The following SMAP1 variants were observed in gnomAD, a reference collection of about 807,000 sequenced individuals.
SMAP1 encodes stromal membrane-associated protein 1.
A neutral mutation model predicts 58.5 loss-of-function variants in SMAP1; 24 were observed. That is an observed-to-expected ratio of 0.41 (90% CI 0.30 to 0.58). The LOEUF is 0.58. Among genes scored for constraint, SMAP1 ranks in the 20% least tolerant of loss-of-function variants. The probability of loss-of-function intolerance (pLI) is 0.29; values close to 1 mark genes in which losing one functional copy is unlikely to be tolerated. For synonymous variants in SMAP1, 216 were observed against 196.6 expected (o/e 1.10, Z -0.82); for missense variants, 563 against 566.3 (o/e 0.99, Z 0.06).
At chr6:70,722,292 T>A (rs1035509455) in intron 1 of SMAP1, among the ~76,000 whole-genome samples, 1 of 152,120 alleles carries the variant, frequency 6.6e-6, no homozygotes, top group African/African-American at 2.4e-5. Context: ...GAGTAGGGAG[T>A]AGTAGAGAGC....
At chr6:70,711,003 A>G (rs113219020) in intron 1 of SMAP1, among the ~76,000 whole-genome samples, 1 of 152,136 alleles carries the variant, frequency 6.6e-6, no homozygotes, top group Non-Finnish European at 1.5e-5. Flanking sequence ...GGGCAATAAC[A>G]CACATGGAGC....
At chr6:70,821,561 C>T (rs1212815410) in intron 6 of SMAP1, among the ~76,000 whole-genome samples, 1 of 152,040 alleles carries the variant, frequency 6.6e-6, no homozygotes, top group Non-Finnish European at 1.5e-5. Context: ...TTTAATTAGC[C>T]TGAAAAAATA....
At chr6:70,859,998 G>T in intron 10 of SMAP1, 3 of 484,214 alleles carry the variant, frequency 6.2e-6, no homozygotes, top group Non-Finnish European at 1.0e-5. Context: ...TTAATCTTTG[G>T]GGAAACTGTA....
At chr6:70,790,744 T>C (rs976801974) in intron 4 of SMAP1, among the ~76,000 whole-genome samples, 2 of 152,180 alleles carry the variant, frequency 1.3e-5, no homozygotes, top group African/African-American at 4.8e-5. Context: ...TGCAGTGTTA[T>C]TTTGACATTA....
intron 3 of SMAP1, among the ~76,000 whole-genome samples, chr6:70,755,551 A>G (rs1766451995): frequency 6.6e-6 from 1 of 152,054 alleles, no homozygotes; most frequent in Non-Finnish European, 1.5e-5. Context: ...AATGTAGGCT[A>G]GGCTAGGCTA....
At position 70,804,060 on chromosome 6, in the gene SMAP1, G is replaced by A. The variant is rs186055399; in HGVS notation, c.576+5323G>A. 4.3e-3 allele frequency among the ~76,000 whole-genome samples: 654 copies of A among 152,258 alleles called. 5 individuals carry two copies. The highest frequency in any genetic ancestry group is 6.8e-3 in the Middle Eastern group (2 of 294). ...GATATCTTTGTTAACCTTCTGTCTC[G>A]TTGATCTGTCTGACATTGACAGTGG... On this transcript the variant is annotated intron_variant, in intron 6 of 10. Transcript: ENST00000370455.
At chr6:70,777,065 A>G (rs966245939) in intron 4 of SMAP1, among the ~76,000 whole-genome samples, 6 of 152,216 alleles carry the variant, frequency 3.9e-5, no homozygotes, top group Admixed American at 6.5e-5. Flanking sequence ...AGAAACCTCC[A>G]TATTATCCAT....
At chr6:70,718,858 G>C (rs985586648) in intron 1 of SMAP1, among the ~76,000 whole-genome samples, 1 of 149,776 alleles carries the variant, frequency 6.7e-6, no homozygotes, top group African/African-American at 2.4e-5. Context: ...GCTTGGAGAA[G>C]GGATGAAGAC....
At chr6:70,814,054 A>G in intron 6 of SMAP1, among the ~76,000 whole-genome samples, 1 of 152,264 alleles carries the variant, frequency 6.6e-6, no homozygotes, top group East Asian at 1.9e-4. Flanking sequence ...TCCATGTTCT[A>G]TTTTTAAAAA....
chr6:70,755,861 C>T (rs1766467295), intron 3 of SMAP1, among the ~76,000 whole-genome samples: 1 of 151,876 alleles, frequency 6.6e-6, no homozygotes, highest in Non-Finnish European at 1.5e-5. Flanking sequence ...GGCATTGTGG[C>T]ATTTAGAAGG....
chr6:70,746,185 C>T (rs1708506276), intron 2 of SMAP1, among the ~76,000 whole-genome samples: 1 of 152,008 alleles, frequency 6.6e-6, no homozygotes, highest in Admixed American at 6.6e-5. Flanking sequence ...GCCTGATTGC[C>T]CTGGCCAGAA....
At chr6:70,812,872 C>CCCCAGTGT (rs1332249441) in intron 6 of SMAP1, among the ~76,000 whole-genome samples, 2 of 152,034 alleles carry the variant, frequency 1.3e-5, no homozygotes, top group Non-Finnish European at 2.9e-5. Context: ...ATACTCGTGC[C>CCCCAGTGT]CCCAGTGTGT....
In SMAP1 at chr6:70,861,873, G is replaced by A; in HGVS notation, c.*1539G>A. 2 of 1,613,898 alleles carry A rather than the reference G, an allele frequency of 1.2e-6. No homozygotes were observed. The highest frequency in any genetic ancestry group is 2.2e-5 in the East Asian group (1 of 44,848). ...TTTCGGTTCCAGTTCTTCGACTGTT[G>A]TTATCTGTTTGAGAAAGTCAGATTC... On this transcript the variant is annotated 3_prime_UTR_variant, in exon 11 of 11. Coordinates refer to ENST00000370455, the MANE Select transcript of SMAP1 (RefSeq NM_001044305.3).
intron 4 of SMAP1, among the ~76,000 whole-genome samples, chr6:70,778,863 G>A (rs929055556): frequency 2.0e-5 from 3 of 152,182 alleles, no homozygotes; most frequent in Non-Finnish European, 4.4e-5. Flanking sequence ...CCCTTCCTTG[G>A]GTCTCTGGGC....
chr6:70,767,430 T>C (rs1418747258), intron 3 of SMAP1, among the ~76,000 whole-genome samples: 2 of 152,160 alleles, frequency 1.3e-5, no homozygotes, highest in Admixed American at 6.5e-5. Flanking sequence ...CATTGAGCAG[T>C]GGTTTGTAGT....
At chr6:70,696,560 T>G (rs1767413631) in intron 1 of SMAP1, among the ~76,000 whole-genome samples, 1 of 152,222 alleles carries the variant, frequency 6.6e-6, no homozygotes, top group South Asian at 2.1e-4. Context: ...TATCCATAGT[T>G]CTTCCTGTTA....
At chr6:70,857,665 A>ATAT in intron 9 of SMAP1, 1 of 482,298 alleles carries the variant, frequency 2.1e-6, no homozygotes, top group Non-Finnish European at 3.8e-6. Context: ...ACAGTGGAAG[A>ATAT]TATTTTGTGT....
chr6:70,764,775 G>A (rs1402840033), intron 3 of SMAP1, among the ~76,000 whole-genome samples: 1 of 152,088 alleles, frequency 6.6e-6, no homozygotes, highest in Non-Finnish European at 1.5e-5. Context: ...TGCAGCCCAT[G>A]GATAAAGGAG....
At chr6:70,747,205 A>G (rs1766079570) in intron 2 of SMAP1, among the ~76,000 whole-genome samples, 1 of 152,192 alleles carries the variant, frequency 6.6e-6, no homozygotes, top group Non-Finnish European at 1.5e-5. Flanking sequence ...TTTAAAAAAT[A>G]TTGTATTATC....
Sources: gnomAD v4.1 joint callset for allele counts (sites outside exome capture counted in the v4.1 genomes callset) on GRCh38, gnomAD v4.1.1 for gene constraint, MANE v1.5 for transcripts, NCBI Gene and HGNC (gene_info 2026-07-23, HGNC 2026-07-21) for gene names.